CNMD: variants seen among roughly 807,000 people sequenced by gnomAD.
The protein encoded by CNMD is leukocyte cell-derived chemotaxin 1.
CNMD carries 30 observed loss-of-function variants against 37.5 expected under a neutral mutation model. That is an observed-to-expected ratio of 0.80 (90% confidence interval 0.60 to 1.09). CNMD has a LOEUF of 1.09. CNMD is among the 50% of genes least tolerant of loss of function. The probability of loss-of-function intolerance (pLI) is 0.00; values close to 1 mark genes in which losing one functional copy is unlikely to be tolerated. For synonymous variants in CNMD, 167 were observed against 148.2 expected, an observed-to-expected ratio of 1.13 and a Z score of -0.92; for missense variants, 398 against 423.9, an observed-to-expected ratio of 0.94 and a Z score of 0.54.
chr13:52,719,394 G>C (rs149125834), intron 4 of CNMD, among the ~76,000 whole-genome samples: 1 of 152,034 alleles, frequency 6.6e-6, no homozygotes, highest in African/African-American at 2.4e-5. Flanking sequence ...TATTTTGCCC[G>C]TTAGTTGATG....
chr13:52,712,465 C>T lies in CNMD; in HGVS notation c.622+251G>A, dbSNP rs1964304550. Among the ~76,000 whole-genome samples the T allele has an allele frequency of 3.9e-5, 6 of 152,294 alleles. No individual in the cohort carries two copies. In the Middle Eastern group the frequency reaches 0.014, roughly 345 times the overall value. ...GTGGGAGTGTCATAAACCAAAGCTGCAGGTAATGCCATGGCATTGTCTTCC... is the reference window on the plus strand; with the variant it reads ...GTGGGAGTGTCATAAACCAAAGCTGTAGGTAATGCCATGGCATTGTCTTCC... On this transcript the variant is annotated intron_variant, in intron 5 of 6. Transcript: ENST00000377962.
chr13:52,723,636 G>T (rs1280260436), intron 4 of CNMD, among the ~76,000 whole-genome samples: 1 of 152,130 alleles, frequency 6.6e-6, no homozygotes, highest in Non-Finnish European at 1.5e-5. Context: ...AACCAAAAGT[G>T]TTGTGCCTTT....
Position 52,724,009 on chromosome 13 carries a change from G to T in CNMD, c.456C>A (p.Ile152=). Reference sequence around the variant, plus strand: ...TGTTGGTACCCACCAGTTTGGAGGAGATGCTCTGTTTGGTCACGGCGCCCA... The same window carrying T: ...TGTTGGTACCCACCAGTTTGGAGGATATGCTCTGTTTGGTCACGGCGCCCA... ...PEVGAVTKQS[I]SSKLEGKIMP... The change falls in exon 4 of 7, where the codon ATC becomes ATA. Residue 152 remains isoleucine, a synonymous_variant. Transcript: ENST00000377962. 1 of 1,610,866 alleles carries T rather than the reference G, an allele frequency of 6.2e-7. No homozygotes were observed. The highest frequency in any genetic ancestry group is 8.5e-7 in the Non-Finnish European group (1 of 1,177,004).
chr13:52,731,656 G>T (rs1360983764), intron 3 of CNMD, among the ~76,000 whole-genome samples: 1 of 152,184 alleles, frequency 6.6e-6, no homozygotes, highest in Non-Finnish European at 1.5e-5. Flanking sequence ...ATAGGTTTGG[G>T]ATTAAAATAT....
chr13:52,730,485 T>C (rs1460260359), intron 3 of CNMD, among the ~76,000 whole-genome samples: 11 of 151,982 alleles, frequency 7.2e-5, no homozygotes, highest in African/African-American at 2.7e-4. Context: ...CCAGCACCTG[T>C]TGTTTCCTGA....
At chr13:52,734,951 A>G (rs1367504924) in intron 2 of CNMD, among the ~76,000 whole-genome samples, 1 of 152,236 alleles carries the variant, frequency 6.6e-6, no homozygotes, top group African/African-American at 2.4e-5. Flanking sequence ...TTTTAGGAAC[A>G]GCATTCATTC....
chr13:52,733,470 A>T (rs570772990), intron 2 of CNMD, 111 bp from the exon 3 acceptor site: 47 of 871,620 alleles, frequency 5.4e-5, no homozygotes, highest in South Asian at 4.3e-4. Flanking sequence ...GATACATGAG[A>T]TAGTCCTTAA....
intron 3 of CNMD, among the ~76,000 whole-genome samples, chr13:52,732,337 A>G (rs1258648479): frequency 6.6e-6 from 1 of 152,234 alleles, no homozygotes; most frequent in Admixed American, 6.5e-5. Flanking sequence ...ATGAAAGAGC[A>G]TAAAATATTT....
intron 6 of CNMD, among the ~76,000 whole-genome samples, 183 bp from the exon 7 acceptor site, chr13:52,703,993 T>C (rs1456498515): frequency 1.3e-5 from 2 of 150,908 alleles, no homozygotes; most frequent in Non-Finnish European, 3.0e-5. Context: ...ATAATTCCTT[T>C]TGACACCAAG....
chr13:52,708,439 C>T, intron 6 of CNMD, 97 bp downstream of exon 6: 1 of 1,125,360 alleles, frequency 8.9e-7, no homozygotes, highest in East Asian at 2.7e-5. Flanking sequence ...CCCCTGCCTC[C>T]CAAAGTGCTA....
chr13:52,707,349 C>T (rs774853525), intron 6 of CNMD, among the ~76,000 whole-genome samples: 1 of 149,016 alleles, frequency 6.7e-6, no homozygotes, highest in African/African-American at 2.4e-5. Context: ...CAGCCTAAAG[C>T]GTTTTACATC....
In CNMD at chr13:52,720,517, C is replaced by G. The variant is rs571406516; in HGVS notation, c.468+3480G>C. ...GATGTCCTTTTTGTTGATGTTGATG[C>G]TATTCCTTTCTGTTTGTTAGTTTTC... On this transcript the variant is annotated intron_variant, in intron 4 of 6. Coordinates refer to ENST00000377962, the MANE Select transcript of CNMD (RefSeq NM_007015.3). Among the ~76,000 whole-genome samples the G allele has an allele frequency of 2.0e-5, 3 of 152,240 alleles. 1 individual carries two copies. The South Asian group carries it at 6.2e-4, about 32-fold the overall frequency.
intron 4 of CNMD, among the ~76,000 whole-genome samples, chr13:52,714,271 C>T (rs906350739): frequency 3.3e-5 from 5 of 152,054 alleles, no homozygotes; most frequent in African/African-American, 1.2e-4. Flanking sequence ...GGCCACCGAG[C>T]CAATGCCTGC....
intron 3 of CNMD, among the ~76,000 whole-genome samples, chr13:52,731,208 C>A (rs61961160): frequency 0.036 from 5,458 of 152,264 alleles, 126 homozygotes; most frequent in South Asian, 0.064. Flanking sequence ...GTTCATAACT[C>A]ATTGGAACAC....
Position 52,739,603 on chromosome 13 carries a change from G to A in CNMD, c.72+27C>T. The A allele has an allele frequency of 1.3e-6, 2 of 1,599,418 alleles. No individual in the cohort carries two copies. Among genetic ancestry groups the A allele is most frequent in the Non-Finnish European group, 1.7e-6 (2 of 1,166,574 alleles). The stretch of plus-strand genomic sequence containing the variant: ...CTGATACTCACACAACCCAGGCCCT[G>A]CGTGTGGAATCCCTGGCGGTACTCA... On this transcript the variant is annotated intron_variant, in intron 1 of 6. Transcript: ENST00000377962. This position sits in a 1 kb window ranked among gnomAD's most constrained non-coding sequence, Gnocchi z 5.4.
At chr13:52,712,083 AGT>A (rs1358244714) in intron 5 of CNMD, among the ~76,000 whole-genome samples, 1 of 152,198 alleles carries the variant, frequency 6.6e-6, no homozygotes, top group Non-Finnish European at 1.5e-5. Context: ...CAGTAGAAAT[AGT>A]GAGACAACTC....
At chr13:52,721,644 G>T (rs1261486928) in intron 4 of CNMD, among the ~76,000 whole-genome samples, 1 of 152,160 alleles carries the variant, frequency 6.6e-6, no homozygotes, top group Non-Finnish European at 1.5e-5. Context: ...CACTCCCAGT[G>T]AGATAAGCCA....
intron 5 of CNMD, among the ~76,000 whole-genome samples, chr13:52,709,114 T>C (rs1487237107): frequency 6.6e-6 from 1 of 152,178 alleles, no homozygotes; most frequent in Admixed American, 6.5e-5. Flanking sequence ...GTGCAGTTTC[T>C]GGGAAAGCTT....
chr13:52,719,481 T>C (rs1343651203), intron 4 of CNMD, among the ~76,000 whole-genome samples: 1 of 152,264 alleles, frequency 6.6e-6, no homozygotes, highest in African/African-American at 2.4e-5. Context: ...TTCTTTTCCA[T>C]ATTTAGTGCT....
Sources: allele counts gnomAD v4.1 joint callset (sites outside exome capture counted in the v4.1 genomes callset), GRCh38; gene constraint gnomAD v4.1.1; non-coding constraint Gnocchi (gnomAD v3.1); transcripts MANE v1.5; gene names NCBI Gene and HGNC (gene_info 2026-07-23, HGNC 2026-07-21).